Variants in TVP23A observed in about 807,000 individuals in gnomAD.
The protein encoded by TVP23A is trans-golgi network vesicle protein 23 homolog A.
In TVP23A, 21 loss-of-function variants were observed where a neutral mutation model predicts 31.7. The observed-to-expected ratio is 0.66, with a 90% CI of 0.47 to 0.95. The LOEUF is 0.95. Among genes scored for constraint, TVP23A ranks in the 40% least tolerant of loss-of-function variants. TVP23A has a pLI of 0.00. For synonymous variants in TVP23A, 104 were observed against 96.0 expected, an observed-to-expected ratio of 1.08 and a Z score of -0.49; for missense variants, 279 against 255.6, an observed-to-expected ratio of 1.09 and a Z score of -0.62.
chr16:10,784,543 A>G (rs915321720), intron 2 of TVP23A, among the ~76,000 whole-genome samples: 2 of 151,516 alleles, frequency 1.3e-5, no homozygotes, highest in African/African-American at 4.9e-5. Context: ...CCTGGGCAAC[A>G]GAGCAAGACC....
intron 7 of TVP23A, 191 bp from the exon 8 acceptor site, chr16:10,769,292 A>C: frequency 1.8e-6 from 1 of 566,908 alleles, no homozygotes; most frequent in Non-Finnish European, 3.1e-6. Context: ...TCTTTAGAAC[A>C]TATATAAAGG....
chr16:10,776,555 G>A (rs1319504962), intron 2 of TVP23A, among the ~76,000 whole-genome samples: 1 of 152,092 alleles, frequency 6.6e-6, no homozygotes, highest in Non-Finnish European at 1.5e-5. Context: ...ACTATGATCA[G>A]GAAATCAATG....
chr16:10,789,305 C>A (rs74702459), intron 2 of TVP23A, among the ~76,000 whole-genome samples: 2,003 of 152,086 alleles, frequency 0.013, 45 homozygotes, highest in African/African-American at 0.046. Flanking sequence ...GAATTCCCCC[C>A]CAAGAGACAG....
intron 2 of TVP23A, among the ~76,000 whole-genome samples, chr16:10,804,642 A>G (rs976859605): frequency 6.6e-6 from 1 of 152,166 alleles, no homozygotes; most frequent in African/African-American, 2.4e-5. Context: ...GCTACTCAGG[A>G]GGCTGAGGGG....
chr16:10,773,264 T>G, intron 5 of TVP23A, 49 bp downstream of exon 5: 1 of 1,547,970 alleles, frequency 6.5e-7, no homozygotes, highest in African/African-American at 1.4e-5. Context: ...TGCAAACACT[T>G]TTTTTGCAGA....
At chr16:10,783,109 G>A (rs142780741) in intron 2 of TVP23A, among the ~76,000 whole-genome samples, 3 of 152,218 alleles carry the variant, frequency 2.0e-5, no homozygotes, top group African/African-American at 7.2e-5. Context: ...GGGATATGAG[G>A]GAGACTTCTG....
chr16:10,799,792 T>C lies in TVP23A; in HGVS notation c.89+18311A>G, dbSNP rs186720459. Among the ~76,000 whole-genome samples, 422 of 152,262 alleles carry C rather than the reference T, an allele frequency of 2.8e-3. 1 individual carries two copies. The highest frequency in any genetic ancestry group is 9.3e-3 in the African/African-American group (388 of 41,542). On this transcript the variant is annotated intron_variant, in intron 2 of 7. Transcript: ENST00000299866. ...AGTTGGGGGTGAGTGGATGAGACCA[T>C]GAGGACAGCTGTACTCACATTCACC...
chr16:10,774,175 G>C (rs1187519448), intron 3 of TVP23A, 47 bp from the exon 4 acceptor site: 6 of 1,431,340 alleles, frequency 4.2e-6, no homozygotes, highest in Admixed American at 4.0e-5. Context: ...AGGCAAAGAG[G>C]CTTATTCACT....
At chr16:10,771,101 C>T (rs1363336070) in intron 6 of TVP23A, among the ~76,000 whole-genome samples, 4 of 152,006 alleles carry the variant, frequency 2.6e-5, no homozygotes, top group African/African-American at 9.7e-5. Context: ...TTTGTGGGTA[C>T]TGAGCTTAAG....
chr16:10,802,031 T>C lies in TVP23A; in HGVS notation c.89+16072A>G, dbSNP rs11865284. On this transcript the variant is annotated intron_variant, in intron 2 of 7. Coordinates refer to ENST00000299866, the MANE Select transcript of TVP23A (RefSeq NM_001079512.4). ...AAAAAATAAATTTAAAAAGTGCACA[T>C]TGAAGTATTTAGGGGCAAGTGGGCA... is the stretch of plus-strand genomic sequence containing the variant. Among the ~76,000 whole-genome samples, 975 of 151,206 alleles carry C rather than the reference T, an allele frequency of 6.4e-3. 12 individuals carry two copies. Among genetic ancestry groups the C allele is most frequent in the African/African-American group, 0.022 (926 of 41,294 alleles).
At chr16:10,762,493 G>A (rs11641253), downstream of TVP23A, among the ~76,000 whole-genome samples, 43,852 of 151,982 alleles carry the variant, frequency 0.29, 6,990 homozygotes, top group Middle Eastern at 0.45. Flanking sequence ...CGGGGCGCTG[G>A]GCAGGGCCTA....
chr16:10,775,592 C>A (rs1180863789), intron 2 of TVP23A: 14 of 978,732 alleles, frequency 1.4e-5, no homozygotes, highest in Non-Finnish European at 1.7e-5. Context: ...AGGTCTAACT[C>A]ATCATACTTG....
At chr16:10,783,372 G>A (rs561217622) in intron 2 of TVP23A, among the ~76,000 whole-genome samples, 1 of 152,226 alleles carries the variant, frequency 6.6e-6, no homozygotes, top group Admixed American at 6.5e-5. Context: ...AAACTCAGAA[G>A]CAACTAAGAT....
At chr16:10,791,806 A>G (rs1016106907) in intron 2 of TVP23A, among the ~76,000 whole-genome samples, 1 of 152,096 alleles carries the variant, frequency 6.6e-6, no homozygotes, top group African/African-American at 2.4e-5. Context: ...TAGTAGAGAC[A>G]GGGTTTCACT....
At chr16:10,761,978 G>C (rs980140307), downstream of TVP23A, 1 of 743,422 alleles carries the variant, frequency 1.3e-6, no homozygotes, top group Admixed American at 2.7e-5. Flanking sequence ...TCAATGGGGC[G>C]CTGGAGCCAG....
chr16:10,797,650 G>A (rs1245041385), intron 2 of TVP23A, among the ~76,000 whole-genome samples: 1 of 152,064 alleles, frequency 6.6e-6, no homozygotes, highest in African/African-American at 2.4e-5. Flanking sequence ...AACCTGGGTG[G>A]TGGAGGTTGC....
At chr16:10,793,777 T>C (rs558887969) in intron 2 of TVP23A, among the ~76,000 whole-genome samples, 4 of 151,538 alleles carry the variant, frequency 2.6e-5, no homozygotes, top group African/African-American at 9.7e-5. Flanking sequence ...CATACACCTA[T>C]GGTCCAACCT....
chr16:10,781,848 A>ATT, intron 2 of TVP23A, among the ~76,000 whole-genome samples: 2 of 133,932 alleles, frequency 1.5e-5, no homozygotes, highest in East Asian at 5.6e-4. Context: ...AACTAACACA[A>ATT]TCTTTTTTTT....
chr16:10,787,000 T>C (rs992978132), intron 2 of TVP23A, among the ~76,000 whole-genome samples: 6 of 152,018 alleles, frequency 3.9e-5, no homozygotes, highest in Admixed American at 2.6e-4. Flanking sequence ...GCTGGATACA[T>C]GAAGAAAATT....
Sources: gnomAD v4.1 joint callset for allele counts (sites outside exome capture counted in the v4.1 genomes callset) on GRCh38, gnomAD v4.1.1 for gene constraint, MANE v1.5 for transcripts, NCBI Gene and HGNC (gene_info 2026-07-23, HGNC 2026-07-21) for gene names.